The following RALY variants were observed in gnomAD, a reference collection of about 807,000 sequenced individuals.
RALY encodes the protein RALY heterogeneous nuclear ribonucleoprotein.
In RALY, 15 loss-of-function variants were observed where a neutral mutation model predicts 30.7. The ratio of observed to expected loss-of-function variants is 0.49; its 90% CI spans 0.33 to 0.75. RALY has a LOEUF of 0.75. Among genes scored for constraint, RALY ranks in the 30% least tolerant of loss-of-function variants. The pLI, the probability that RALY is intolerant of heterozygous loss-of-function variation, is 0.02. For missense variants in RALY, 339 were observed against 414.3 expected (o/e 0.82, Z 1.58); for synonymous variants, 177 against 170.8 (o/e 1.04, Z -0.28).
chr20:34,037,753 G>C (rs751279132), intron 2 of RALY, among the ~76,000 whole-genome samples: 1 of 152,202 alleles, frequency 6.6e-6, no homozygotes, highest in Non-Finnish European at 1.5e-5. Flanking sequence ...TAGGGACCTG[G>C]GATAGAGTCT....
intron 2 of RALY, among the ~76,000 whole-genome samples, chr20:34,056,854 G>C (rs1003068484): frequency 6.6e-6 from 1 of 152,230 alleles, no homozygotes; most frequent in African/African-American, 2.4e-5. Flanking sequence ...CTTTTGGAAA[G>C]CAGTTAAGCA....
intron 2 of RALY, among the ~76,000 whole-genome samples, chr20:34,051,051 A>G (rs985951306): frequency 2.0e-5 from 3 of 152,228 alleles, no homozygotes; most frequent in African/African-American, 7.2e-5. Flanking sequence ...GGAACCTTGC[A>G]AGAACAAACA....
intron 2 of RALY, among the ~76,000 whole-genome samples, chr20:34,033,818 C>A (rs145245794): frequency 5.3e-5 from 8 of 152,112 alleles, no homozygotes; most frequent in Non-Finnish European, 1.0e-4. Flanking sequence ...CAAAAGTAAA[C>A]GGGAGGGTTT....
At chr20:34,021,454 A>G (rs1216062437) in intron 1 of RALY, among the ~76,000 whole-genome samples, 1 of 152,188 alleles carries the variant, frequency 6.6e-6, no homozygotes, top group Non-Finnish European at 1.5e-5. Context: ...ATGGTGAGAG[A>G]GAGTGGGAGG....
At chr20:34,057,856 A>G (rs908788185) in intron 2 of RALY, among the ~76,000 whole-genome samples, 1 of 152,148 alleles carries the variant, frequency 6.6e-6, no homozygotes, top group Non-Finnish European at 1.5e-5. Context: ...TGTGGGGGAA[A>G]TGTATATGCC....
chr20:34,005,896 A>G (rs2031135976), intron 1 of RALY, among the ~76,000 whole-genome samples: 1 of 152,198 alleles, frequency 6.6e-6, no homozygotes. Context: ...ATATCCATTT[A>G]AGTTTCTTCC....
intron 2 of RALY, among the ~76,000 whole-genome samples, chr20:34,044,561 C>A (rs555862680): frequency 1.3e-5 from 2 of 152,162 alleles, no homozygotes; most frequent in African/African-American, 4.8e-5. Flanking sequence ...TTTAGGTGAT[C>A]GGCCGACCTC....
At chr20:34,058,720 C>T (rs568812990) in intron 2 of RALY, among the ~76,000 whole-genome samples, 66 of 152,286 alleles carry the variant, frequency 4.3e-4, no homozygotes, top group Non-Finnish European at 8.4e-4. Context: ...GGTCACACAA[C>T]TAGTAAGTGC....
intron 1 of RALY, among the ~76,000 whole-genome samples, chr20:34,021,928 T>G (rs2123056918): frequency 6.6e-6 from 1 of 151,142 alleles, no homozygotes; most frequent in South Asian, 2.1e-4. Flanking sequence ...AAAAAAAATT[T>G]TTTTTTAAAT....
chr20:34,070,268 A>G (rs1475865651), intron 2 of RALY, among the ~76,000 whole-genome samples: 1 of 152,182 alleles, frequency 6.6e-6, no homozygotes, highest in Non-Finnish European at 1.5e-5. Flanking sequence ...TCCAAAAGGG[A>G]GTGGCATCAA....
intron 1 of RALY, among the ~76,000 whole-genome samples, chr20:34,012,049 G>C (rs1359426036): frequency 4.7e-5 from 7 of 149,552 alleles, no homozygotes; most frequent in Non-Finnish European, 1.0e-4. Context: ...CTGGGCGACA[G>C]AGTGAGACCC....
chr20:34,048,042 A>C lies in RALY; in HGVS notation c.-10+16438A>C, dbSNP rs529736857. ...ATCTGAGTAAGCAGGATTGTTACACAGCAGAGATACAGGAGCAGAGCAGGT... is the reference window on the plus strand; with the variant it reads ...ATCTGAGTAAGCAGGATTGTTACACCGCAGAGATACAGGAGCAGAGCAGGT... On this transcript the variant is annotated intron_variant, in intron 2 of 9. Transcript: ENST00000246194. 8.5e-5 allele frequency among the ~76,000 whole-genome samples: 13 copies of C among 152,368 alleles called. No homozygotes were observed. In the South Asian group the frequency reaches 2.7e-3, roughly 32 times the overall value.
rs190745998 is a variant in RALY, at chr20:34,003,329, G to A, written c.-93+9198G>A. 2.9e-3 allele frequency among the ~76,000 whole-genome samples: 442 copies of A among 152,210 alleles called. 3 individuals carry two copies. The highest frequency in any genetic ancestry group is 2.0e-3 in the Non-Finnish European group (135 of 68,016). On this transcript the variant is annotated intron_variant, in intron 1 of 9. Transcript: ENST00000246194. Reference sequence around the variant, plus strand: ...GGTATTGTGAGGAGCAAATTAGAACGTTGTAAAATCACATGAGACAATTTA... The same window carrying A: ...GGTATTGTGAGGAGCAAATTAGAACATTGTAAAATCACATGAGACAATTTA...
chr20:33,996,782 C>A (rs1311121109), intron 1 of RALY, among the ~76,000 whole-genome samples: 1 of 152,112 alleles, frequency 6.6e-6, no homozygotes, highest in African/African-American at 2.4e-5. Flanking sequence ...TAAACTAACT[C>A]CCCCTTCCCT....
At chr20:34,057,581 G>A (rs1394525378) in intron 2 of RALY, among the ~76,000 whole-genome samples, 1 of 151,200 alleles carries the variant, frequency 6.6e-6, no homozygotes, top group African/African-American at 2.4e-5. Flanking sequence ...GCAGGAGAAT[G>A]GCATGAACCT....
At chr20:34,055,052 T>C (rs2123190031) in intron 2 of RALY, among the ~76,000 whole-genome samples, 1 of 152,294 alleles carries the variant, frequency 6.6e-6, no homozygotes, top group African/African-American at 2.4e-5. Context: ...TGTAATATTA[T>C]TCCCATTTTT....
Position 34,080,147 on chromosome 20 carries a change from G to T in RALY, c.*242G>T. On this transcript the variant is annotated 3_prime_UTR_variant, in exon 10 of 10. Coordinates refer to ENST00000246194, the MANE Select transcript of RALY (RefSeq NM_016732.3). The stretch of plus-strand genomic sequence containing the variant: ...GCCCAGGCCAGAGGGTAGAGCACAG[G>T]GGTTTCCCCATACTACCTCCCCTCC... 6.6e-6 allele frequency: 1 copy of T among 152,628 alleles called. No homozygotes were observed. The highest frequency in any genetic ancestry group is 1.5e-5 in the Non-Finnish European group (1 of 68,286). The allele number at this position is 152,628 out of a possible 1,614,324, so 9.5% of individuals were successfully genotyped here.
Position 34,083,159 on chromosome 20 carries a change from C to T in RALY, c.*3254C>T. 1 of 152,126 alleles carries T rather than the reference C, an allele frequency of 6.6e-6. No homozygotes were observed. The highest frequency in any genetic ancestry group is 1.9e-4 in the East Asian group (1 of 5,186). 9.4% of individuals were successfully genotyped at this position (152,126 alleles called of 1,614,324 possible). On this transcript the variant is annotated 3_prime_UTR_variant, in exon 10 of 10. Coordinates refer to ENST00000246194, the MANE Select transcript of RALY (RefSeq NM_016732.3). ...AACAAACCACCCCCAAATTTAGTAG[C>T]CTTAATAAACATTTATTAGCTCCTG...
At chr20:34,046,504 GCCTTCTGAATGC>G (rs1185036077) in intron 2 of RALY, among the ~76,000 whole-genome samples, 2 of 152,172 alleles carry the variant, frequency 1.3e-5, no homozygotes, top group Non-Finnish European at 2.9e-5. Flanking sequence ...CCTCAAAGGT[GCCTTCTGAATGC>G]CCTTTGCCTT....
Sources: gnomAD v4.1 joint callset for allele counts (sites outside exome capture counted in the v4.1 genomes callset) on GRCh38, gnomAD v4.1.1 for gene constraint, MANE v1.5 for transcripts, NCBI Gene and HGNC (gene_info 2026-07-23, HGNC 2026-07-21) for gene names.